Variants in DCBLD2 observed in about 807,000 individuals in gnomAD.
DCBLD2 encodes discoidin, CUB and LCCL domain containing 2.
In DCBLD2, 54 loss-of-function variants were observed where a neutral mutation model predicts 86.8. That is an observed-to-expected ratio of 0.62 (90% CI 0.50 to 0.78). The LOEUF (loss-of-function observed/expected upper bound fraction) is 0.78, where lower values mean the gene tolerates loss of function less well. Ranked by LOEUF, DCBLD2 falls within the 30% of genes least tolerant of loss-of-function variation. The pLI, the probability that DCBLD2 is intolerant of heterozygous loss-of-function variation, is 0.00. For missense variants in DCBLD2, 908 were observed against 954.2 expected, an observed-to-expected ratio of 0.95 and a Z score of 0.64; for synonymous variants, 354 against 341.3, an observed-to-expected ratio of 1.04 and a Z score of -0.41.
intron 1 of DCBLD2, among the ~76,000 whole-genome samples, chr3:98,899,645 A>G (rs995348665): frequency 6.6e-6 from 1 of 152,260 alleles, no homozygotes; most frequent in East Asian, 1.9e-4. Flanking sequence ...ATAACATGAT[A>G]CAAACACTAT....
intron 3 of DCBLD2, among the ~76,000 whole-genome samples, chr3:98,838,929 G>A (rs1436826751): frequency 9.9e-5 from 15 of 151,376 alleles, no homozygotes; most frequent in African/African-American, 3.1e-4. Flanking sequence ...GCAGGCATTC[G>A]GCAGACTGAG....
intron 2 of DCBLD2, among the ~76,000 whole-genome samples, chr3:98,870,665 A>T (rs111811279): frequency 2.2e-5 from 3 of 138,666 alleles, no homozygotes; most frequent in African/African-American, 8.3e-5. Flanking sequence ...AAAGAGAGAG[A>T]GAGAGAGAGA....
chr3:98,839,552 A>G (rs1190280812), intron 3 of DCBLD2, among the ~76,000 whole-genome samples: 1 of 152,226 alleles, frequency 6.6e-6, no homozygotes, highest in Admixed American at 6.5e-5. Flanking sequence ...TTTCATATGT[A>G]GCATATCTGT....
At chr3:98,871,371 G>A (rs1943279771) in intron 2 of DCBLD2, among the ~76,000 whole-genome samples, 1 of 152,060 alleles carries the variant, frequency 6.6e-6, no homozygotes, top group African/African-American at 2.4e-5. Flanking sequence ...CAGTTCTTAG[G>A]AAGAATGCTT....
chr3:98,808,872 A>G (rs1039456348), intron 12 of DCBLD2, among the ~76,000 whole-genome samples: 2 of 152,190 alleles, frequency 1.3e-5, no homozygotes, highest in African/African-American at 4.8e-5. Flanking sequence ...TGCATCCTTA[A>G]AGATGTTCTC....
At chr3:98,884,297 T>A (rs1943522521) in intron 1 of DCBLD2, among the ~76,000 whole-genome samples, 1 of 151,878 alleles carries the variant, frequency 6.6e-6, no homozygotes, top group Admixed American at 6.6e-5. Context: ...GCATAGCAAC[T>A]CAGTAACACA....
At chr3:98,836,016 T>G (rs1421905999) in intron 3 of DCBLD2, among the ~76,000 whole-genome samples, 1 of 146,292 alleles carries the variant, frequency 6.8e-6, no homozygotes, top group Non-Finnish European at 1.5e-5. Context: ...AACTTATGTA[T>G]AGATTTCACC....
At chr3:98,827,396 A>C (rs1942242557) in intron 3 of DCBLD2, among the ~76,000 whole-genome samples, 1 of 152,246 alleles carries the variant, frequency 6.6e-6, no homozygotes. Context: ...TATGGCACTT[A>C]AACCACAAGA....
At chr3:98,828,057 A>T (rs828623) in intron 3 of DCBLD2, among the ~76,000 whole-genome samples, 10 of 152,166 alleles carry the variant, frequency 6.6e-5, no homozygotes, top group African/African-American at 2.2e-4. Context: ...CCGTACCTCA[A>T]ACTACATACA....
At chr3:98,877,057 A>C (rs1020043232) in intron 2 of DCBLD2, among the ~76,000 whole-genome samples, 4 of 152,212 alleles carry the variant, frequency 2.6e-5, no homozygotes, top group African/African-American at 9.6e-5. Context: ...GATGGGGTTA[A>C]AAGGAAAGAA....
intron 4 of DCBLD2, among the ~76,000 whole-genome samples, chr3:98,824,024 G>C (rs1316320004): frequency 1.3e-5 from 2 of 152,188 alleles, no homozygotes; most frequent in African/African-American, 4.8e-5. Flanking sequence ...GCATGAGGCA[G>C]GATGGCCTAG....
intron 1 of DCBLD2, among the ~76,000 whole-genome samples, chr3:98,892,777 T>C (rs189886731): frequency 1.6e-4 from 25 of 152,232 alleles, no homozygotes; most frequent in Admixed American, 6.5e-4. Flanking sequence ...CCTCCATGCA[T>C]GCAAAAGAAT....
At chr3:98,877,728 C>A (rs938582351) in intron 2 of DCBLD2, among the ~76,000 whole-genome samples, 16 of 152,216 alleles carry the variant, frequency 1.1e-4, no homozygotes, top group African/African-American at 3.9e-4. Context: ...CTAAAAAGAA[C>A]CAGGGTTCCC....
chr3:98,808,834 G>T (rs147344684), intron 12 of DCBLD2, among the ~76,000 whole-genome samples: 99 of 152,150 alleles, frequency 6.5e-4, no homozygotes, highest in African/African-American at 2.3e-3. Context: ...TCCATTCCTA[G>T]AATTTATTCT....
intron 3 of DCBLD2, among the ~76,000 whole-genome samples, chr3:98,836,441 CG>C (rs1254854173): frequency 6.6e-6 from 1 of 151,702 alleles, no homozygotes; most frequent in African/African-American, 2.4e-5. Flanking sequence ...AGGGCCCATG[CG>C]TTATGAAATT....
At chr3:98,808,572 T>C (rs1941881539) in intron 12 of DCBLD2, among the ~76,000 whole-genome samples, 1 of 152,132 alleles carries the variant, frequency 6.6e-6, no homozygotes, top group African/African-American at 2.4e-5. Flanking sequence ...TAGTAATACA[T>C]TAAAAAATAC....
intron 9 of DCBLD2, among the ~76,000 whole-genome samples, chr3:98,817,496 C>A (rs549674895): frequency 8.7e-4 from 133 of 152,264 alleles, no homozygotes; most frequent in African/African-American, 2.8e-3. Context: ...CCCTTTTAGA[C>A]TTTCTTAATA....
chr3:98,850,332 T>C (rs1942812869), intron 2 of DCBLD2, among the ~76,000 whole-genome samples: 1 of 152,162 alleles, frequency 6.6e-6, no homozygotes, highest in African/African-American at 2.4e-5. Context: ...AATCAACCAA[T>C]AAACAAACAA....
rs1400393195 is a variant in DCBLD2 at position 98,825,310 on chromosome 3, C to T, written c.623+5G>A. On this transcript the variant is annotated splice_donor_5th_base_variant and intron_variant, in intron 4 of 15. Coordinates refer to ENST00000326840, the MANE Select transcript of DCBLD2 (RefSeq NM_080927.4). ...AAAAAAAAAAAGTCACAAATATAAT[C>T]ATACCTGAACTCAGGTTCCAAAAAA... 2 of 1,470,996 alleles carry T rather than the reference C, an allele frequency of 1.4e-6. No individual in the cohort carries two copies. Among genetic ancestry groups the T allele is most frequent in the Non-Finnish European group, 1.8e-6 (2 of 1,106,052 alleles). 91.1% of individuals were successfully genotyped at this position (1,470,996 alleles called of 1,614,324 possible). A position where few individuals can be genotyped will look rare whatever the true frequency, so the allele number is the denominator to read the frequency against.
Sources: allele counts gnomAD v4.1 joint callset (sites outside exome capture counted in the v4.1 genomes callset), GRCh38; gene constraint gnomAD v4.1.1; transcripts MANE v1.5; gene names NCBI Gene and HGNC (gene_info 2026-07-23, HGNC 2026-07-21).